The following TET3 variants were observed in gnomAD, a reference collection of about 807,000 sequenced individuals.
TET3 encodes tet methylcytosine dioxygenase 3, also known as methylcytosine dioxygenase TET3.
TET3 carries 19 observed loss-of-function variants against 141.4 expected under a neutral mutation model. The observed-to-expected ratio is 0.13, with a 90% CI of 0.09 to 0.20. The LOEUF (loss-of-function observed/expected upper bound fraction) is 0.20, where lower values mean the gene tolerates loss of function less well. Ranked by LOEUF, TET3 falls within the 10% of genes least tolerant of loss-of-function variation. TET3 has a pLI of 1.00. For missense variants in TET3, 1,874 were observed against 2,356.9 expected, an observed-to-expected ratio of 0.80 and a Z score of 4.24; for synonymous variants, 1,043 against 980.9, an observed-to-expected ratio of 1.06 and a Z score of -1.18.
the TET3 span, among the ~76,000 whole-genome samples, chr2:74,131,230 T>C: frequency 6.6e-6 from 1 of 152,190 alleles, no homozygotes; most frequent in Non-Finnish European, 1.5e-5. Context: ...TGCTTTCTCT[T>C]AGCACGTTCT....
chr2:74,022,177 G>T (rs1379096811), intron 3 of TET3, among the ~76,000 whole-genome samples: 3 of 106,828 alleles, frequency 2.8e-5, no homozygotes, highest in African/African-American at 7.3e-5. Context: ...CATGTTTATT[G>T]TAAAACTATT....
intron 2 of TET3, among the ~76,000 whole-genome samples, chr2:73,992,081 G>A (rs1684354946): frequency 6.6e-6 from 1 of 152,128 alleles, no homozygotes; most frequent in African/African-American, 2.4e-5. Context: ...GGAAAATGCT[G>A]ATAACAATGT....
chr2:74,100,579 A>G lies in TET3; in HGVS notation c.3791A>G (p.Tyr1264Cys), dbSNP rs1409825960. Residue 1264 changes from tyrosine (Y) to cysteine (C), a missense_variant, in exon 12 of 12, where the codon TAT becomes TGT. By Grantham distance (194) the Tyr-to-Cys change is radical. Coordinates refer to ENST00000409262, the MANE Select transcript of TET3 (RefSeq NM_001287491.2). ...AGCGTGTACTCCTACCACTCCTACTATGCACAGCCCAGCCTGACCTCCGTC... is the reference window on the plus strand; with the variant it reads ...AGCGTGTACTCCTACCACTCCTACTGTGCACAGCCCAGCCTGACCTCCGTC... ...MNSVYSYHSY[Y>C]AQPSLTSVNG... 1 of 1,613,688 alleles carries G rather than the reference A, an allele frequency of 6.2e-7. No individual in the cohort carries two copies. The highest frequency in any genetic ancestry group is 1.3e-5 in the African/African-American group (1 of 75,040).
At chr2:74,012,592 G>A (rs1343281782) in intron 3 of TET3, among the ~76,000 whole-genome samples, 1 of 152,214 alleles carries the variant, frequency 6.6e-6, no homozygotes, top group Non-Finnish European at 1.5e-5. Context: ...TGGAATCCAA[G>A]CCAAGGATAT....
In TET3 at chr2:73,985,125, C is replaced by T. The variant is rs1683934893; in HGVS notation, c.-457C>T. The T allele has an allele frequency of 2.1e-5, 3 of 145,568 alleles. No individual in the cohort carries two copies. The highest frequency in any genetic ancestry group is 2.1e-4 in the East Asian group (1 of 4,680). 9.0% of individuals were successfully genotyped at this position (145,568 alleles called of 1,614,324 possible). On this transcript the variant is annotated 5_prime_UTR_variant, in exon 1 of 12. Coordinates refer to ENST00000409262, the MANE Select transcript of TET3 (RefSeq NM_001287491.2). ...CGGCGCGGGCCGGGAAACTTTGCCC[C>T]TTTGTGCGCTCCGCCCCGGAGGCGG...
chr2:74,114,852 T>TAAAAAAAAAAA, the TET3 span, among the ~76,000 whole-genome samples: 1 of 24,074 alleles, frequency 4.2e-5, no homozygotes, highest in Non-Finnish European at 5.9e-5. Context: ...AGACTCTGTC[T>TAAAAAAAAAAA]CAAAAAAAAA....
Position 74,015,119 on chromosome 2 carries a change from G to T in TET3, c.360+11953G>T, listed in dbSNP as rs72905271. ...CATCAGAGGAATGACTTGGCCCAAG[G>T]GTCGCACCCAAGGGAGAAGGTGCAG... On this transcript the variant is annotated intron_variant, in intron 3 of 11. Coordinates refer to ENST00000409262, the MANE Select transcript of TET3 (RefSeq NM_001287491.2). Among the ~76,000 whole-genome samples the T allele has an allele frequency of 3.9e-3, 599 of 152,222 alleles. 2 individuals carry two copies. The highest frequency in any genetic ancestry group is 0.014 in the African/African-American group (574 of 41,526).
At chr2:74,003,446 T>C (rs1573660090) in intron 3 of TET3, among the ~76,000 whole-genome samples, 1 of 149,590 alleles carries the variant, frequency 6.7e-6, no homozygotes, top group African/African-American at 2.5e-5. Context: ...TTTTTCTTTT[T>C]AAGACATGCA....
intron 2 of TET3, among the ~76,000 whole-genome samples, chr2:74,000,043 G>A (rs1250313511): frequency 1.3e-5 from 2 of 152,128 alleles, no homozygotes; most frequent in Non-Finnish European, 2.9e-5. Flanking sequence ...GGAGATGAGT[G>A]GAGCCAGGAG....
chr2:74,021,715 C>T (rs1686054777), intron 3 of TET3, among the ~76,000 whole-genome samples: 1 of 152,196 alleles, frequency 6.6e-6, no homozygotes, highest in Non-Finnish European at 1.5e-5. Flanking sequence ...CATCCATAAC[C>T]AGCTTCCTAC....
At chr2:74,054,136 G>T (rs1027880124) in intron 4 of TET3, among the ~76,000 whole-genome samples, 1 of 152,126 alleles carries the variant, frequency 6.6e-6, no homozygotes, top group African/African-American at 2.4e-5. Flanking sequence ...CGGGTGTGAC[G>T]GGTGTGGAGG....
the TET3 span, among the ~76,000 whole-genome samples, chr2:74,129,658 TAA>T: frequency 6.6e-6 from 1 of 151,930 alleles, no homozygotes; most frequent in Non-Finnish European, 1.5e-5. Context: ...GAAAAAACCT[TAA>T]GGGCATTACT....
Position 74,090,131 on chromosome 2 carries a change from C to T in TET3, c.3039+84C>T, listed in dbSNP as rs1172716252. On this transcript the variant is annotated intron_variant, in intron 8 of 11. Transcript: ENST00000409262. ...GGTCCAGCGGGAGGTAGTACTGGCA[C>T]GCCATGACTCAGATGCACAGGAAGT... 23 of 1,546,154 alleles carry T rather than the reference C, an allele frequency of 1.5e-5. 1 individual carries two copies. The highest frequency in any genetic ancestry group is 5.6e-5 in the Admixed American group (3 of 53,254).
In TET3 at chr2:74,100,965, A is replaced by G. The variant is rs747111220; in HGVS notation, c.4177A>G (p.Asn1393Asp). 4 of 1,611,982 alleles carry G rather than the reference A, an allele frequency of 2.5e-6. No homozygotes were observed. In the South Asian group the frequency reaches 4.4e-5, roughly 18 times the overall value. Residue 1393 changes from asparagine to aspartate, a missense_variant, in exon 12 of 12, where the codon AAC (asparagine) becomes GAC (aspartate). Coordinates refer to ENST00000409262, the MANE Select transcript of TET3 (RefSeq NM_001287491.2). The part of the protein sequence containing the change: ...SPFAQSSNCY[N>D]RSIKQEPVDP... ...CTTTGCCCAGAGCTCCAACTGCTAC[A>G]ACAGATCCATCAAGCAAGAGCCAGT...
In TET3 at chr2:73,986,700, C is replaced by G; in HGVS notation, c.297C>G (p.Leu99=). ...CEVLKKKVGL[L]KEVEIKAGEG... ...TGCTGAAGAAAAAAGTAGGGCTTCTCAAGGAGGTAAGCCGGCCCTTGCTGG... is the reference window on the plus strand; with the variant it reads ...TGCTGAAGAAAAAAGTAGGGCTTCTGAAGGAGGTAAGCCGGCCCTTGCTGG... The change falls in exon 2 of 12, where the codon CTC becomes CTG. Residue 99 remains leucine (L), a synonymous_variant. Coordinates refer to ENST00000409262, the MANE Select transcript of TET3 (RefSeq NM_001287491.2). 1.6e-6 allele frequency: 2 copies of G among 1,231,982 alleles called. No homozygotes were observed. Among genetic ancestry groups the G allele is most frequent in the Non-Finnish European group, 1.0e-6 (1 of 987,984 alleles). 76.3% of individuals were successfully genotyped at this position (1,231,982 alleles called of 1,614,324 possible).
intron 2 of TET3, among the ~76,000 whole-genome samples, chr2:73,996,459 G>A (rs562872657): frequency 3.9e-5 from 6 of 152,238 alleles, no homozygotes; most frequent in Non-Finnish European, 8.8e-5. Flanking sequence ...AAATCCCATG[G>A]TGGCCTTGTC....
At chr2:73,991,485 C>T (rs939227426) in intron 2 of TET3, among the ~76,000 whole-genome samples, 1 of 152,008 alleles carries the variant, frequency 6.6e-6, no homozygotes, top group Admixed American at 6.6e-5. Context: ...GAGGATTGGA[C>T]AGATGAGAAG....
chr2:74,048,976 A>G lies in TET3; in HGVS notation c.2494+565A>G, dbSNP rs189141176. The stretch of plus-strand genomic sequence containing the variant: ...GTGAGCTCCTGAGGATTTTAAAGCA[A>G]GGAATGCCCTGTCACCTTGTGCTTT... On this transcript the variant is annotated intron_variant, in intron 4 of 11. Coordinates refer to ENST00000409262, the MANE Select transcript of TET3 (RefSeq NM_001287491.2). 1.6e-4 allele frequency among the ~76,000 whole-genome samples: 24 copies of G among 152,312 alleles called. No homozygotes were observed. In the East Asian group the frequency reaches 4.4e-3, roughly 28 times the overall value.
chr2:74,007,488 T>C (rs1209320329), intron 3 of TET3, among the ~76,000 whole-genome samples: 1 of 152,236 alleles, frequency 6.6e-6, no homozygotes, highest in Non-Finnish European at 1.5e-5. Flanking sequence ...TTCTGAAAGC[T>C]GGATGGAAAT....
Sources: gnomAD v4.1 joint callset for allele counts (sites outside exome capture counted in the v4.1 genomes callset) on GRCh38, gnomAD v4.1.1 for gene constraint, MANE v1.5 for transcripts, NCBI Gene and HGNC (gene_info 2026-07-23, HGNC 2026-07-21) for gene names.